Variants in UACA observed in about 807,000 individuals in gnomAD.
The protein encoded by UACA is uveal autoantigen with coiled-coil domains and ankyrin repeats, also known as nuclear membrane binding protein.
UACA carries 112 observed loss-of-function variants against 160.5 expected under a neutral mutation model. The ratio of observed to expected loss-of-function variants is 0.70; its 90% CI spans 0.60 to 0.82. The LOEUF (loss-of-function observed/expected upper bound fraction) is 0.82, where lower values mean the gene tolerates loss of function less well. UACA is among the 40% of genes least tolerant of loss of function. UACA has a pLI of 0.00. For synonymous variants in UACA, 557 were observed against 568.4 expected (o/e 0.98, Z 0.29); for missense variants, 1,574 against 1,614.6 (o/e 0.97, Z 0.43).
At position 70,655,067 on chromosome 15, in the gene UACA, T is replaced by G. The variant is rs1055356955; in HGVS notation, c.*1989A>C. ...TCTCACAGACAGTAAATAAAATAGT[T>G]TAACTCGCAAATCTTTTACAAGGAT... On this transcript the variant is annotated 3_prime_UTR_variant, in exon 19 of 19. Coordinates refer to ENST00000322954, the MANE Select transcript of UACA (RefSeq NM_018003.4). 2.6e-5 allele frequency: 4 copies of G among 152,184 alleles called. No individual in the cohort carries two copies. The highest frequency in any genetic ancestry group is 9.6e-5 in the African/African-American group (4 of 41,454). The allele number at this position is 152,184 out of a possible 1,614,324, so 9.4% of individuals were successfully genotyped here. A position where few individuals can be genotyped will look rare whatever the true frequency, so the allele number is the denominator to read the frequency against.
At chr15:70,725,183 C>T (rs1899108707) in intron 1 of UACA, among the ~76,000 whole-genome samples, 1 of 152,014 alleles carries the variant, frequency 6.6e-6, no homozygotes, top group African/African-American at 2.4e-5. Context: ...TTATTTTTCC[C>T]CAAAAGCTGC....
At position 70,679,617 on chromosome 15, in the gene UACA, T is replaced by G. The variant is rs1203011477; in HGVS notation, c.882A>C (p.Gln294His). 4 of 1,587,460 alleles carry G rather than the reference T, an allele frequency of 2.5e-6. No individual in the cohort carries two copies. Among genetic ancestry groups the G allele is most frequent in the Admixed American group, 3.6e-5 (2 of 56,004 alleles). Residue 294 changes from glutamine to histidine, a missense_variant, in exon 10 of 19, where the codon CAA becomes CAC. Coordinates refer to ENST00000322954, the MANE Select transcript of UACA (RefSeq NM_018003.4). ...ATTTTTTTCTTTTTACCTGAATATTTTGATGCTCCCTCTGATGTGACTTCA... is the reference window on the plus strand; with the variant it reads ...ATTTTTTTCTTTTTACCTGAATATTGTGATGCTCCCTCTGATGTGACTTCA... Reference protein sequence around the residue: ...VNVKSHQREHQNIQDLEIENE... With the variant: ...VNVKSHQREHHNIQDLEIENE...
intron 18 of UACA, among the ~76,000 whole-genome samples, chr15:70,659,136 G>T (rs539903902): frequency 4.6e-5 from 7 of 152,004 alleles, no homozygotes; most frequent in Admixed American, 1.3e-4. Context: ...TCTAATAATT[G>T]CAATAAACTT....
intron 10 of UACA, 45 bp from the exon 11 acceptor site, chr15:70,678,251 G>T: frequency 6.9e-7 from 1 of 1,450,244 alleles, no homozygotes. Flanking sequence ...TCTTAAAAGA[G>T]CAAATTCTTA....
rs564111604 is a variant in UACA, at chr15:70,704,430, C to T, written c.79-4770G>A. Among the ~76,000 whole-genome samples, 7 of 152,288 alleles carry T rather than the reference C, an allele frequency of 4.6e-5. No homozygotes were observed. In the East Asian group the frequency reaches 1.3e-3, roughly 29 times the overall value. On this transcript the variant is annotated intron_variant, in intron 1 of 18. Coordinates refer to ENST00000322954, the MANE Select transcript of UACA (RefSeq NM_018003.4). The stretch of plus-strand genomic sequence containing the variant: ...GGTCGATAAAAGATCCTTCTTCACA[C>T]ATACTCCTGCACATCCCACACCGCA...
At chr15:70,692,560 T>G (rs1391149944) in intron 3 of UACA, among the ~76,000 whole-genome samples, 1 of 152,146 alleles carries the variant, frequency 6.6e-6, no homozygotes, top group Non-Finnish European at 1.5e-5. Flanking sequence ...TGCTTGAGCC[T>G]GGGAGTTGAG....
intron 16 of UACA, 96 bp downstream of exon 16, chr15:70,666,628 G>T: frequency 9.6e-7 from 1 of 1,040,806 alleles, no homozygotes; most frequent in Non-Finnish European, 1.3e-6. Flanking sequence ...GGGTCACTTT[G>T]TTAATACCTG....
Position 70,753,973 on chromosome 15 carries a change from T to C in UACA, c.78+9357A>G, listed in dbSNP as rs569548822. ...GGTGCCCACCACCATGCCTGGCTAA[T>C]TTTTGTATTTTTAGTGGAGACAGGG... On this transcript the variant is annotated intron_variant, in intron 1 of 18. Transcript: ENST00000322954. The C allele has an allele frequency of 7.9e-4, 289 of 366,856 alleles. 1 individual carries two copies. The highest frequency in any genetic ancestry group is 1.4e-3 in the Non-Finnish European group (265 of 184,510). The allele number at this position is 366,856 out of a possible 1,614,324, so 22.7% of individuals were successfully genotyped here. A position where few individuals can be genotyped will look rare whatever the true frequency, so the allele number is the denominator to read the frequency against.
intron 1 of UACA, among the ~76,000 whole-genome samples, chr15:70,756,148 A>G (rs2030412329): frequency 6.6e-6 from 1 of 151,716 alleles, no homozygotes; most frequent in Admixed American, 6.6e-5. Context: ...AAAAGTGAAT[A>G]AGCATCATGA....
intron 1 of UACA, among the ~76,000 whole-genome samples, chr15:70,735,607 T>A: frequency 6.6e-6 from 1 of 152,236 alleles, no homozygotes; most frequent in South Asian, 2.1e-4. Flanking sequence ...GTCACATATA[T>A]GTAAATATGG....
chr15:70,771,064 A>G, the UACA span, among the ~76,000 whole-genome samples: 1 of 152,264 alleles, frequency 6.6e-6, no homozygotes, highest in African/African-American at 2.4e-5. Context: ...CCAAGTCAAC[A>G]TTCCTTGACA....
At chr15:70,746,475 G>C (rs1366943310) in intron 1 of UACA, among the ~76,000 whole-genome samples, 1 of 143,592 alleles carries the variant, frequency 7.0e-6, no homozygotes, top group African/African-American at 2.9e-5. Context: ...TCATTAAAAA[G>C]TCAGGAAACA....
chr15:70,723,851 C>G (rs1450123369), intron 1 of UACA, among the ~76,000 whole-genome samples: 1 of 152,068 alleles, frequency 6.6e-6, no homozygotes, highest in African/African-American at 2.4e-5. Context: ...CCAGGATGGT[C>G]TCGATCTCCT....
chr15:70,728,165 G>A (rs2140993789), intron 1 of UACA, among the ~76,000 whole-genome samples: 1 of 152,268 alleles, frequency 6.6e-6, no homozygotes, highest in East Asian at 1.9e-4. Context: ...GGGATAACTG[G>A]CTAGCCATAT....
Position 70,724,650 on chromosome 15 carries a change from T to G in UACA, c.79-24990A>C, listed in dbSNP as rs1055031832. ...TGCTTCATGGCTTCCTTGGAAGGTA[T>G]GCACTGAACTATTTTAAACCAAGGC... On this transcript the variant is annotated intron_variant, in intron 1 of 18. Coordinates refer to ENST00000322954, the MANE Select transcript of UACA (RefSeq NM_018003.4). Among the ~76,000 whole-genome samples the G allele has an allele frequency of 3.3e-5, 5 of 152,252 alleles. 1 individual carries two copies. In the South Asian group the frequency reaches 8.3e-4, roughly 25 times the overall value.
chr15:70,687,415 A>G, intron 7 of UACA, 125 bp downstream of exon 7: 1 of 785,042 alleles, frequency 1.3e-6, no homozygotes. Context: ...AGGAAAAGCA[A>G]GCCAGGGAAG....
chr15:70,675,459 T>C (rs973391340), intron 13 of UACA, among the ~76,000 whole-genome samples: 1 of 152,232 alleles, frequency 6.6e-6, no homozygotes, highest in African/African-American at 2.4e-5. Context: ...TTTGTAATTA[T>C]ACACAACCCA....
At position 70,667,669 on chromosome 15, in the gene UACA, T is replaced by A. The variant is rs1896971892; in HGVS notation, c.3015A>T (p.Leu1005=). The A allele has an allele frequency of 1.2e-6, 2 of 1,613,592 alleles. No individual in the cohort carries two copies. The highest frequency in any genetic ancestry group is 1.7e-6 in the Non-Finnish European group (2 of 1,180,002). ...ERKFKATEKE[L]KDQLSEQTQK... ...GTGTCTGCTCTGATAACTGGTCTTTTAGTTCTTTCTCTGTTGCTTTAAATT... is the reference window on the plus strand; with the variant it reads ...GTGTCTGCTCTGATAACTGGTCTTTAAGTTCTTTCTCTGTTGCTTTAAATT... Residue 1005 remains leucine (L), a synonymous_variant, in exon 16 of 19, where the codon CTA becomes CTT. Transcript: ENST00000322954.
At chr15:70,689,167 C>T (rs1008883613) in intron 5 of UACA, among the ~76,000 whole-genome samples, 1 of 152,126 alleles carries the variant, frequency 6.6e-6, no homozygotes, top group African/African-American at 2.4e-5. Flanking sequence ...CTGCTTCAAC[C>T]TTGCAGTTAA....
Sources: allele counts gnomAD v4.1 joint callset (sites outside exome capture counted in the v4.1 genomes callset), GRCh38; gene constraint gnomAD v4.1.1; transcripts MANE v1.5; gene names NCBI Gene and HGNC (gene_info 2026-07-23, HGNC 2026-07-21).